Variants in PSD3 observed in about 807,000 individuals in gnomAD.
PSD3 encodes the protein pleckstrin and Sec7 domain containing 3, also known as PH and SEC7 domain-containing protein 3.
In PSD3, 49 loss-of-function variants were observed where a neutral mutation model predicts 105.5. The ratio of observed to expected loss-of-function variants is 0.46; its 90% confidence interval spans 0.37 to 0.59. The LOEUF is 0.59. PSD3 is among the 20% of genes least tolerant of loss of function. PSD3 has a pLI of 0.00. For synonymous variants in PSD3, 557 were observed against 457.8 expected, an observed-to-expected ratio of 1.22 and a Z score of -2.77; for missense variants, 1,561 against 1,263.8, an observed-to-expected ratio of 1.24 and a Z score of -3.57.
At chr8:19,043,004 C>T (rs1011377072) in intron 1 of PSD3, among the ~76,000 whole-genome samples, 17 of 152,158 alleles carry the variant, frequency 1.1e-4, no homozygotes, top group African/African-American at 2.7e-4. Flanking sequence ...TCAATTCAAC[C>T]TACCTCCTCT....
At chr8:18,673,449 T>C (rs982650521) in intron 9 of PSD3, among the ~76,000 whole-genome samples, 1 of 152,194 alleles carries the variant, frequency 6.6e-6, no homozygotes, top group African/African-American at 2.4e-5. Flanking sequence ...TACGAATCTA[T>C]CTCTATGTCA....
At chr8:18,894,541 T>G (rs17127417) in intron 2 of PSD3, among the ~76,000 whole-genome samples, 7,119 of 152,256 alleles carry the variant, frequency 0.047, 205 homozygotes, top group South Asian at 0.081. Context: ...GAAGCAACTA[T>G]GTCAATCAGC....
intron 12 of PSD3, 123 bp downstream of exon 12, chr8:18,600,241 C>A: frequency 1.1e-6 from 1 of 910,604 alleles, no homozygotes; most frequent in Non-Finnish European, 1.7e-6. Flanking sequence ...AATTTTTTAA[C>A]ATCAGCAAAC....
intron 2 of PSD3, among the ~76,000 whole-genome samples, chr8:18,882,502 CA>C (rs1157540217): frequency 6.6e-6 from 1 of 152,156 alleles, no homozygotes; most frequent in Non-Finnish European, 1.5e-5. Context: ...TACAATCCAG[CA>C]GCTCCATCTA....
At chr8:18,864,098 G>A (rs925631450) in intron 4 of PSD3, among the ~76,000 whole-genome samples, 1 of 152,190 alleles carries the variant, frequency 6.6e-6, no homozygotes, top group Non-Finnish European at 1.5e-5. Flanking sequence ...AAGGATTTAA[G>A]TAAATCTAGG....
intron 11 of PSD3, among the ~76,000 whole-genome samples, chr8:18,614,444 A>G (rs968623535): frequency 6.7e-5 from 10 of 148,822 alleles, no homozygotes; most frequent in African/African-American, 2.5e-4. Flanking sequence ...TCTTTTAGGT[A>G]AAACGCAGGA....
chr8:19,059,256 G>A (rs964266121), intron 1 of PSD3, among the ~76,000 whole-genome samples: 3 of 152,222 alleles, frequency 2.0e-5, no homozygotes, highest in Admixed American at 1.3e-4. Flanking sequence ...CACAACAGGG[G>A]CCAGCAGAGG....
At chr8:18,768,940 T>C (rs1436316518) in intron 8 of PSD3, among the ~76,000 whole-genome samples, 1 of 152,206 alleles carries the variant, frequency 6.6e-6, no homozygotes, top group African/African-American at 2.4e-5. Context: ...GTTAAATAAA[T>C]TAAATCTGCA....
At chr8:18,755,373 T>G (rs1404833227) in intron 9 of PSD3, among the ~76,000 whole-genome samples, 1 of 151,988 alleles carries the variant, frequency 6.6e-6, no homozygotes, top group Non-Finnish European at 1.5e-5. Flanking sequence ...GAGGTTGCAG[T>G]GAGCCGAGAT....
At chr8:18,674,382 T>C (rs577693941) in intron 9 of PSD3, among the ~76,000 whole-genome samples, 1 of 152,186 alleles carries the variant, frequency 6.6e-6, no homozygotes, top group African/African-American at 2.4e-5. Context: ...GGAACTTAAA[T>C]AGTGAACACG....
chr8:18,693,688 G>A (rs1236024095), intron 9 of PSD3, among the ~76,000 whole-genome samples: 2 of 152,162 alleles, frequency 1.3e-5, no homozygotes, highest in Non-Finnish European at 2.9e-5. Flanking sequence ...CAGGCTACTA[G>A]CCCCACACTT....
At chr8:18,551,455 G>A (rs1800763098) in intron 15 of PSD3, among the ~76,000 whole-genome samples, 2 of 152,164 alleles carry the variant, frequency 1.3e-5, no homozygotes, top group East Asian at 3.8e-4. Flanking sequence ...GAATCATGCT[G>A]TTTTAAATGT....
At chr8:18,689,994 G>A (rs1262872386) in intron 9 of PSD3, among the ~76,000 whole-genome samples, 1 of 152,054 alleles carries the variant, frequency 6.6e-6, no homozygotes, top group Non-Finnish European at 1.5e-5. Flanking sequence ...CCAATATTGA[G>A]GTTTCTTTTT....
intron 8 of PSD3, among the ~76,000 whole-genome samples, chr8:18,768,512 G>A (rs997558890): frequency 6.6e-6 from 1 of 152,022 alleles, no homozygotes; most frequent in East Asian, 1.9e-4. Flanking sequence ...GGGCAAGATC[G>A]CTTGAGCCCA....
chr8:18,645,104 C>G (rs1396797116), intron 10 of PSD3, among the ~76,000 whole-genome samples: 1 of 152,172 alleles, frequency 6.6e-6, no homozygotes, highest in East Asian at 1.9e-4. Flanking sequence ...AACATTAATC[C>G]ATTAATTAGG....
At chr8:18,833,905 A>G (rs569911899) in intron 4 of PSD3, among the ~76,000 whole-genome samples, 1 of 152,336 alleles carries the variant, frequency 6.6e-6, no homozygotes, top group African/African-American at 2.4e-5. Flanking sequence ...TTACAAAAAT[A>G]TAAAAACAAT....
chr8:18,887,194 T>G (rs1370983875), intron 2 of PSD3, among the ~76,000 whole-genome samples: 1 of 152,180 alleles, frequency 6.6e-6, no homozygotes, highest in Non-Finnish European at 1.5e-5. Flanking sequence ...AAGGGTTTAA[T>G]TCTTGTATTA....
intron 9 of PSD3, among the ~76,000 whole-genome samples, chr8:18,679,659 G>A (rs1365969304): frequency 6.6e-6 from 1 of 152,148 alleles, no homozygotes; most frequent in African/African-American, 2.4e-5. Flanking sequence ...TCTTGGGGAG[G>A]TGAAGTAACT....
intron 1 of PSD3, among the ~76,000 whole-genome samples, chr8:19,076,870 G>T: frequency 6.6e-6 from 1 of 152,096 alleles, no homozygotes; most frequent in East Asian, 1.9e-4. Flanking sequence ...TAGGAAGCAC[G>T]GTGTTAAGTC....
Sources: allele counts gnomAD v4.1 joint callset (sites outside exome capture counted in the v4.1 genomes callset), GRCh38; gene constraint gnomAD v4.1.1; transcripts MANE v1.5; gene names NCBI Gene and HGNC (gene_info 2026-07-23, HGNC 2026-07-21).